The following CAST variants were observed in gnomAD, a reference collection of about 807,000 sequenced individuals.
CAST encodes calpastatin, also known as MIR583 host.
A neutral mutation model predicts 119.6 loss-of-function variants in CAST; 76 were observed. The observed-to-expected ratio is 0.64, with a 90% CI of 0.53 to 0.77. CAST has a LOEUF of 0.77. Ranked by LOEUF, CAST falls within the 30% of genes least tolerant of loss-of-function variation. The pLI, the probability that CAST is intolerant of heterozygous loss-of-function variation, is 0.00. For synonymous variants in CAST, 319 were observed against 331.6 expected (o/e 0.96, Z 0.41); for missense variants, 953 against 946.5 (o/e 1.01, Z -0.09).
chr5:96,236,849 A>G, the CAST span, among the ~76,000 whole-genome samples: 1 of 152,156 alleles, frequency 6.6e-6, no homozygotes, highest in East Asian at 1.9e-4. Context: ...TTGACTGTGA[A>G]ATAAAGTACT....
the CAST span, among the ~76,000 whole-genome samples, chr5:95,998,332 G>A: frequency 6.6e-6 from 1 of 151,990 alleles, no homozygotes; most frequent in Non-Finnish European, 1.5e-5. Flanking sequence ...TAGTGGTAAA[G>A]TCTAGATTTT....
chr5:96,008,459 A>G, the CAST span, among the ~76,000 whole-genome samples: 2 of 151,728 alleles, frequency 1.3e-5, no homozygotes, highest in Non-Finnish European at 2.9e-5. Context: ...TGTATATGTC[A>G]TTTTTTCTTT....
chr5:96,762,900 G>T, intron 25 of CAST: 1 of 444,290 alleles, frequency 2.3e-6, no homozygotes. Context: ...AAGAACCTCA[G>T]CATCAATATT....
At chr5:96,527,404 G>A (rs909714002), upstream of CAST, among the ~76,000 whole-genome samples, 14 of 152,194 alleles carry the variant, frequency 9.2e-5, no homozygotes, top group Admixed American at 2.0e-4. Context: ...AGCATAGTGA[G>A]TTTGGAGTCC....
At chr5:96,068,605 G>GTGTA in the CAST span, among the ~76,000 whole-genome samples, 12 of 151,296 alleles carry the variant, frequency 7.9e-5, no homozygotes, top group Non-Finnish European at 1.6e-4. Context: ...GTGTGTGTGT[G>GTGTA]TGTGTGTGTG....
At chr5:96,242,015 G>A in the CAST span, among the ~76,000 whole-genome samples, 1 of 143,782 alleles carries the variant, frequency 7.0e-6, no homozygotes, top group East Asian at 2.0e-4. Flanking sequence ...TTTGTAGGTT[G>A]CCTGTTCACT....
At chr5:96,631,761 C>T (rs1288091744) in intron 1 of CAST, among the ~76,000 whole-genome samples, 1 of 151,832 alleles carries the variant, frequency 6.6e-6, no homozygotes, top group Non-Finnish European at 1.5e-5. Flanking sequence ...CTCGATATCC[C>T]GACCTCGTGA....
the CAST span, among the ~76,000 whole-genome samples, chr5:96,109,019 A>C: frequency 2.0e-5 from 3 of 152,218 alleles, no homozygotes; most frequent in East Asian, 1.9e-4. Flanking sequence ...TTCTTTGACT[A>C]GGAAAGGGAA....
intron 20 of CAST, among the ~76,000 whole-genome samples, chr5:96,751,186 ATCTT>A (rs1764966447): frequency 6.6e-6 from 1 of 151,384 alleles, no homozygotes; most frequent in African/African-American, 2.4e-5. Context: ...AAGAAGGTGA[ATCTT>A]TGTTTCCTTT....
the CAST span, among the ~76,000 whole-genome samples, chr5:96,503,941 T>A: frequency 5.9e-5 from 9 of 152,170 alleles, no homozygotes; most frequent in East Asian, 1.3e-3. Flanking sequence ...AGAAACCTCA[T>A]CTTGTAGCCA....
At chr5:96,336,318 G>A in the CAST span, among the ~76,000 whole-genome samples, 1 of 152,138 alleles carries the variant, frequency 6.6e-6, no homozygotes, top group Non-Finnish European at 1.5e-5. Flanking sequence ...AGTATTATAA[G>A]GGAAGTTTCA....
chr5:96,133,928 C>T, the CAST span, among the ~76,000 whole-genome samples: 4 of 152,292 alleles, frequency 2.6e-5, no homozygotes, highest in Admixed American at 1.3e-4. Flanking sequence ...AGCCCTCAGA[C>T]TCCTAAGATT....
the CAST span, among the ~76,000 whole-genome samples, chr5:96,387,126 A>T: frequency 2.6e-5 from 4 of 152,170 alleles, no homozygotes; most frequent in African/African-American, 9.7e-5. Flanking sequence ...TCAATGGCAC[A>T]TAGTTAGAAG....
At chr5:96,440,240 G>C in the CAST span, among the ~76,000 whole-genome samples, 3 of 151,148 alleles carry the variant, frequency 2.0e-5, no homozygotes, top group East Asian at 3.9e-4. Flanking sequence ...AAATAGCAGA[G>C]AGAATTGAGG....
chr5:96,222,666 T>A, the CAST span, among the ~76,000 whole-genome samples: 4 of 152,126 alleles, frequency 2.6e-5, no homozygotes, highest in Non-Finnish European at 5.9e-5. Context: ...TTGATGGGAA[T>A]GTAAGTTAGT....
At chr5:96,573,919 ATCT>A (rs1202544502) in intron 1 of CAST, among the ~76,000 whole-genome samples, 1 of 151,810 alleles carries the variant, frequency 6.6e-6, no homozygotes, top group Admixed American at 6.6e-5. Context: ...TGTTTTTGAG[ATCT>A]TCTATGATTT....
Position 96,534,676 on chromosome 5 carries a change from A to AAG in CAST, c.60+4809_60+4810dup, listed in dbSNP as rs1243543834. Reference sequence around the variant, plus strand: ...AAAGTGAGACTTCATCAAAGAAAGAAAGAGAGAGAGAGAGGAAGGAAGGAA... The same window carrying AAG: ...AAAGTGAGACTTCATCAAAGAAAGAAAGAGAGAGAGAGAGAGGAAGGAAGGAA... On this transcript the variant is annotated intron_variant, in intron 1 of 11. Transcript: ENST00000505143. Among the ~76,000 whole-genome samples, 1,276 of 131,182 alleles carry AAG rather than the reference A, an allele frequency of 9.7e-3. 56 individuals are homozygous for AAG. The highest frequency in any genetic ancestry group is 0.037 in the African/African-American group (1,228 of 33,426). The allele number at this position is 131,182 out of a possible 152,430, so 86.1% of individuals were successfully genotyped here.
At chr5:96,358,840 C>G in the CAST span, among the ~76,000 whole-genome samples, 1 of 152,224 alleles carries the variant, frequency 6.6e-6, no homozygotes, top group Non-Finnish European at 1.5e-5. Flanking sequence ...GTAGATGTCT[C>G]TTAGGTCTAC....
chr5:96,522,631 T>C (rs954698850), upstream of CAST, among the ~76,000 whole-genome samples: 1 of 152,202 alleles, frequency 6.6e-6, no homozygotes, highest in Non-Finnish European at 1.5e-5. Flanking sequence ...TAATAAACTT[T>C]CTCTAGTGCT....
Sources: allele counts gnomAD v4.1 joint callset (sites outside exome capture counted in the v4.1 genomes callset), GRCh38; gene constraint gnomAD v4.1.1; transcripts MANE v1.5; gene names NCBI Gene and HGNC (gene_info 2026-07-23, HGNC 2026-07-21).